Variants in SCG3 observed in about 807,000 individuals in gnomAD.
The protein encoded by SCG3 is secretogranin III.
In SCG3, 38 loss-of-function variants were observed where a neutral mutation model predicts 56.2. That is an observed-to-expected ratio of 0.68 (90% confidence interval 0.52 to 0.89). SCG3 has a LOEUF of 0.89. SCG3 is among the 40% of genes least tolerant of loss of function. The pLI is 0.00. For synonymous variants in SCG3, 176 were observed against 184.2 expected, an observed-to-expected ratio of 0.96 and a Z score of 0.36; for missense variants, 524 against 540.7, an observed-to-expected ratio of 0.97 and a Z score of 0.31.
chr15:51,687,894 T>C (rs2055239471), intron 4 of SCG3, among the ~76,000 whole-genome samples: 1 of 152,164 alleles, frequency 6.6e-6, no homozygotes, highest in Admixed American at 6.5e-5. Context: ...TCATACAATA[T>C]ATAGAAGGGT....
chr15:51,705,541 A>G (rs1449631422), intron 10 of SCG3, among the ~76,000 whole-genome samples: 2 of 149,826 alleles, frequency 1.3e-5, no homozygotes, highest in Non-Finnish European at 3.0e-5. Flanking sequence ...TTTTTTCCCG[A>G]GACAGAGTCT....
chr15:51,716,270 A>G (rs115857050), intron 11 of SCG3, among the ~76,000 whole-genome samples: 1,615 of 152,322 alleles, frequency 0.011, 23 homozygotes, highest in African/African-American at 0.037. Context: ...GTATTAATGA[A>G]CCAGGAATAA....
At chr15:51,694,377 A>G (rs932680807) in intron 7 of SCG3, among the ~76,000 whole-genome samples, 5 of 152,226 alleles carry the variant, frequency 3.3e-5, no homozygotes, top group African/African-American at 7.2e-5. Context: ...TTGGGTCTGC[A>G]GAACAGGCTC....
chr15:51,689,477 T>G, intron 6 of SCG3, 109 bp downstream of exon 6: 2 of 1,355,920 alleles, frequency 1.5e-6, no homozygotes, highest in Non-Finnish European at 2.0e-6. Context: ...CCAAAGAAGA[T>G]TTGAGGTATG....
intron 8 of SCG3, among the ~76,000 whole-genome samples, chr15:51,698,222 A>C (rs1417693120): frequency 2.0e-5 from 3 of 152,246 alleles, no homozygotes; most frequent in Non-Finnish European, 2.9e-5. Flanking sequence ...CTGCAAAGAC[A>C]TGCTTTTTTG....
intron 11 of SCG3, among the ~76,000 whole-genome samples, chr15:51,718,780 C>T (rs1436312550): frequency 6.6e-6 from 1 of 151,904 alleles, no homozygotes; most frequent in African/African-American, 2.4e-5. Flanking sequence ...AAAGAGTTTA[C>T]AGTTTGGCTT....
intron 8 of SCG3, 33 bp from the exon 9 acceptor site, chr15:51,699,286 A>G (rs1318525441): frequency 1.3e-6 from 2 of 1,491,108 alleles, no homozygotes; most frequent in Non-Finnish European, 1.9e-6. Flanking sequence ...CTCTCAGGGA[A>G]TAAAATTAAA....
At chr15:51,713,264 G>A (rs2055432050) in intron 10 of SCG3, 69 bp from the exon 11 acceptor site, 3 of 1,015,586 alleles carry the variant, frequency 3.0e-6, no homozygotes, top group Non-Finnish European at 4.5e-6. Context: ...CTGAACATAC[G>A]TGTGGTCTTT....
intron 10 of SCG3, among the ~76,000 whole-genome samples, chr15:51,704,266 T>TATATACATAC (rs2055358764): frequency 7.4e-6 from 1 of 135,994 alleles, no homozygotes; most frequent in African/African-American, 2.9e-5. Flanking sequence ...TATATATATA[T>TATATACATAC]ATATATATAT....
At chr15:51,693,778 C>G (rs1314008728) in intron 7 of SCG3, 1 of 152,264 alleles carries the variant, frequency 6.6e-6, no homozygotes, top group Admixed American at 6.5e-5. Context: ...ACCGGCCACT[C>G]TGCTGGCTCT....
At chr15:51,707,572 A>T (rs2055384287) in intron 10 of SCG3, among the ~76,000 whole-genome samples, 2 of 152,192 alleles carry the variant, frequency 1.3e-5, no homozygotes, top group African/African-American at 2.4e-5. Flanking sequence ...TCCTTTTTAG[A>T]ATTCACCCCT....
At chr15:51,689,447 A>G (rs1242917454) in intron 6 of SCG3, 79 bp downstream of exon 6, 36 of 1,444,716 alleles carry the variant, frequency 2.5e-5, no homozygotes, top group Non-Finnish European at 3.2e-5. Context: ...CTATCTGTAT[A>G]ATAATTGCCT....
chr15:51,696,123 G>A (rs1388500611), intron 8 of SCG3, 132 bp downstream of exon 8: 6 of 695,606 alleles, frequency 8.6e-6, no homozygotes, highest in Non-Finnish European at 1.5e-5. Flanking sequence ...GAATCGACCA[G>A]TTTGATAATA....
chr15:51,694,442 T>C (rs2055288655), intron 7 of SCG3, among the ~76,000 whole-genome samples: 1 of 152,074 alleles, frequency 6.6e-6, no homozygotes, highest in African/African-American at 2.4e-5. Context: ...AAAGAAAGAT[T>C]CCAAATCCCC....
At chr15:51,682,643 G>A in intron 2 of SCG3, 74 bp downstream of exon 2, 1 of 899,056 alleles carries the variant, frequency 1.1e-6, no homozygotes, top group Non-Finnish European at 1.7e-6. Context: ...ATTATGCTGT[G>A]ACATTTTGGT....
rs150705817 is a variant in SCG3 at position 51,683,369 on chromosome 15, C to G, written c.332C>G (p.Thr111Ser). 1.3e-4 allele frequency: 216 copies of G among 1,613,632 alleles called. No homozygotes were observed. Among genetic ancestry groups the G allele is most frequent in the Middle Eastern group, 3.3e-4 (2 of 6,056 alleles). ...NKLNVEDVDS[T>S]KNRKLIDDYD... is the part of the protein sequence containing the mutation. ...TTGAATGTGGAAGATGTTGATTCAA[C>G]CAAGAATCGAAAACTGATCGATGAT... The change falls in exon 4 of 12, where the codon ACC becomes AGC. Residue 111 changes from threonine (T) to serine (S), a missense_variant. Coordinates refer to ENST00000220478, the MANE Select transcript of SCG3 (RefSeq NM_013243.4).
At position 51,699,349 on chromosome 15, in the gene SCG3, C is replaced by T; in HGVS notation, c.1016C>T (p.Thr339Ile). 6.2e-7 allele frequency: 1 copy of T among 1,607,768 alleles called. No individual in the cohort carries two copies. Among genetic ancestry groups the T allele is most frequent in the Non-Finnish European group, 8.5e-7 (1 of 1,178,204 alleles). Reference sequence around the variant, plus strand: ...TTGGATGAAATGATTGCTCTTCAGACCAAAAACAAGCTAGAAAAAAATGCT... The same window carrying T: ...TTGGATGAAATGATTGCTCTTCAGATCAAAAACAAGCTAGAAAAAAATGCT... ...ENLDEMIALQTKNKLEKNATD... is the reference protein window; with the variant it reads ...ENLDEMIALQIKNKLEKNATD... Residue 339 changes from threonine to isoleucine, a missense_variant, in exon 9 of 12, where the codon ACC becomes ATC. Coordinates refer to ENST00000220478, the MANE Select transcript of SCG3 (RefSeq NM_013243.4).
At chr15:51,719,280 T>G in intron 11 of SCG3, 128 bp from the exon 12 acceptor site, 1 of 672,008 alleles carries the variant, frequency 1.5e-6, no homozygotes, top group South Asian at 1.9e-5. Flanking sequence ...TTAAAATGCC[T>G]CCCGATGTGA....
intron 11 of SCG3, among the ~76,000 whole-genome samples, chr15:51,717,013 G>C (rs942922764): frequency 1.3e-5 from 2 of 152,022 alleles, no homozygotes; most frequent in Non-Finnish European, 2.9e-5. Context: ...ATCACTTGAG[G>C]CCAGGAGTTT....
Sources: allele counts gnomAD v4.1 joint callset (sites outside exome capture counted in the v4.1 genomes callset), GRCh38; gene constraint gnomAD v4.1.1; transcripts MANE v1.5; gene names NCBI Gene and HGNC (gene_info 2026-07-23, HGNC 2026-07-21).